The following OTOG variants were observed in gnomAD, a reference collection of about 807,000 sequenced individuals.
OTOG encodes the protein otogelin.
Under a neutral mutation model 313.8 loss-of-function variants are expected in OTOG, and 296 were observed. That is an observed-to-expected ratio of 0.94 (90% CI 0.86 to 1.04). The LOEUF (loss-of-function observed/expected upper bound fraction) is 1.04, where lower values mean the gene tolerates loss of function less well. Ranked by LOEUF, OTOG falls within the 50% of genes least tolerant of loss-of-function variation. The pLI is 0.00. For synonymous variants in OTOG, 1,533 were observed against 1,554.9 expected (o/e 0.99, Z 0.33); for missense variants, 3,948 against 3,840.1 (o/e 1.03, Z -0.74).
chr11:17,551,826 A>G (rs1851940443), intron 3 of OTOG, among the ~76,000 whole-genome samples, 174 bp from the exon 4 acceptor site: 1 of 151,986 alleles, frequency 6.6e-6, no homozygotes, highest in South Asian at 2.1e-4. Context: ...AGGCCTAAAC[A>G]TTCTCCTCTG....
rs1565116980 is a variant in OTOG at position 17,610,768 on chromosome 11, G to T, written c.5468G>T (p.Gly1823Val). 2 of 1,549,856 alleles carry T rather than the reference G, an allele frequency of 1.3e-6. No homozygotes were observed. The highest frequency in any genetic ancestry group is 3.9e-5 in the Admixed American group (2 of 51,010). The change falls in exon 36 of 56, where the codon GGC becomes GTC. Residue 1823 changes from glycine to valine, a missense_variant. By Grantham distance (109) the Gly-to-Val change is moderately radical. Transcript: ENST00000399397. ...ACATCTGCCCCAGTGGCCACACCCGGCCCCAAAGCCTCTGTCATCACCACT... is the reference window on the plus strand; with the variant it reads ...ACATCTGCCCCAGTGGCCACACCCGTCCCCAAAGCCTCTGTCATCACCACT... The part of the protein sequence containing the change: ...VGTSAPVATP[G>V]PKASVITTPL...
At chr11:17,561,455 G>C (rs956463742) in intron 14 of OTOG, among the ~76,000 whole-genome samples, 5 of 152,230 alleles carry the variant, frequency 3.3e-5, no homozygotes, top group African/African-American at 9.6e-5. Context: ...GAGATCCCCA[G>C]GGCAGGGCTG....
intron 33 of OTOG, among the ~76,000 whole-genome samples, 166 bp downstream of exon 33, chr11:17,606,301 C>A (rs1853388506): frequency 6.6e-6 from 1 of 152,238 alleles, no homozygotes; most frequent in South Asian, 2.1e-4. Flanking sequence ...GGTGGCCCAG[C>A]CTCCATGTTG....
At chr11:17,637,301 A>G (rs1046467304) in intron 47 of OTOG, among the ~76,000 whole-genome samples, 17 of 151,988 alleles carry the variant, frequency 1.1e-4, no homozygotes, top group African/African-American at 3.9e-4. Context: ...AACTCATCTC[A>G]TGCCCAGTCT....
At chr11:17,633,563 G>A in intron 42 of OTOG, 117 bp from the exon 43 acceptor site, 1 of 952,836 alleles carries the variant, frequency 1.0e-6, no homozygotes, top group Non-Finnish European at 1.5e-6. Flanking sequence ...TGCACTCTCT[G>A]CTGAGGTGCT....
chr11:17,560,241 T>C (rs1852153017), intron 12 of OTOG, among the ~76,000 whole-genome samples: 2 of 152,180 alleles, frequency 1.3e-5, no homozygotes, highest in South Asian at 2.1e-4. Flanking sequence ...ATAAAGCCAT[T>C]GACTTTGGGA....
chr11:17,623,093 C>T (rs572898503), intron 39 of OTOG, among the ~76,000 whole-genome samples: 63 of 152,208 alleles, frequency 4.1e-4, no homozygotes, highest in African/African-American at 1.5e-3. Flanking sequence ...TCTGATGATC[C>T]ATGTAAGAAC....
chr11:17,591,684 C>CGG, intron 25 of OTOG, 96 bp downstream of exon 25: 4 of 1,449,980 alleles, frequency 2.8e-6, no homozygotes, highest in Non-Finnish European at 3.7e-6. Flanking sequence ...ATTGGGTGAT[C>CGG]GGGGATCTAA....
rs1218627456 is a variant in OTOG at position 17,559,882 on chromosome 11, A to AG, written c.1342+220_1342+221insG. 5.2e-4 allele frequency among the ~76,000 whole-genome samples: 75 copies of AG among 144,368 alleles called. 1 individual carries two copies. Among genetic ancestry groups the AG allele is most frequent in the Admixed American group, 4.3e-3 (62 of 14,530 alleles). The allele number at this position is 144,368 out of a possible 152,430, so 94.7% of individuals were successfully genotyped here. Reference sequence around the variant, plus strand: ...GAAGGGAAGAAGGAAGGAAGGAAGGAAGGGAGAGAGGGAGGGAGGGAGGAA... The same window carrying AG: ...GAAGGGAAGAAGGAAGGAAGGAAGGAGAGGGAGAGAGGGAGGGAGGGAGGAA... On this transcript the variant is annotated intron_variant, in intron 12 of 55. Coordinates refer to ENST00000399397, the MANE Select transcript of OTOG (RefSeq NM_001292063.2).
rs1847981807 is a variant in OTOG at position 17,641,906 on chromosome 11, G to A, written c.8250G>A (p.Val2750=). ...LAACCGSCRN[V]SCLFTFPNGT... ...CCTGCTGCGGCTCCTGCAGGAACGTGTCCTGTCTCTTCACCTTCCCCAATG... is the reference window on the plus strand; with the variant it reads ...CCTGCTGCGGCTCCTGCAGGAACGTATCCTGTCTCTTCACCTTCCCCAATG... The change falls in exon 52 of 56, where the codon GTG becomes GTA. Residue 2750 remains valine, a synonymous_variant. Transcript: ENST00000399397. 3 of 1,550,332 alleles carry A rather than the reference G, an allele frequency of 1.9e-6. No individual in the cohort carries two copies. The African/African-American group carries it at 4.1e-5, about 21-fold the overall frequency.
chr11:17,559,378 G>T (rs1217113553), intron 11 of OTOG, among the ~76,000 whole-genome samples, 156 bp from the exon 12 acceptor site: 5 of 152,162 alleles, frequency 3.3e-5, no homozygotes, highest in Non-Finnish European at 7.3e-5. Flanking sequence ...CCTTCTCCTT[G>T]TCAATTTCCT....
At chr11:17,564,851 G>T (rs1404145848) in intron 15 of OTOG, among the ~76,000 whole-genome samples, 1 of 152,192 alleles carries the variant, frequency 6.6e-6, no homozygotes, top group Non-Finnish European at 1.5e-5. Flanking sequence ...CCAGCAGGAG[G>T]CAGAGCTGAG....
Position 17,578,336 on chromosome 11 carries a change from G to A in OTOG, c.2606-37G>A, listed in dbSNP as rs775569976. 1.7e-5 allele frequency: 25 copies of A among 1,443,960 alleles called. No homozygotes were observed. The South Asian group carries it at 2.1e-4, about 12-fold the overall frequency. The allele number at this position is 1,443,960 out of a possible 1,614,324, so 89.4% of individuals were successfully genotyped here. ...CTGTAGCCCAGGAGCCCATACTGAG[G>A]CCCCAGGGCCTCCGCTCCCATCTTC... On this transcript the variant is annotated intron_variant, in intron 22 of 55. Coordinates refer to ENST00000399397, the MANE Select transcript of OTOG (RefSeq NM_001292063.2).
chr11:17,551,689 A>G (rs1851935718), intron 3 of OTOG, among the ~76,000 whole-genome samples: 1 of 151,972 alleles, frequency 6.6e-6, no homozygotes, highest in Non-Finnish European at 1.5e-5. Context: ...GAGGGAAGAA[A>G]AGGAGGCTGG....
Position 17,586,396 on chromosome 11 carries a change from G to C in OTOG, c.2760-78G>C, listed in dbSNP as rs554260261. 8.0e-6 allele frequency: 7 copies of C among 873,084 alleles called. No homozygotes were observed. In the African/African-American group the frequency reaches 8.8e-5, roughly 11 times the overall value. 54.1% of individuals were successfully genotyped at this position (873,084 alleles called of 1,614,324 possible). A position where few individuals can be genotyped will look rare whatever the true frequency, so the allele number is the denominator to read the frequency against. On this transcript the variant is annotated intron_variant, in intron 23 of 55. Transcript: ENST00000399397. Reference sequence around the variant, plus strand: ...GCTGGGAGCCACCTCCGAGCATCCAGATTGAGGCAGGGTCCTCCACAGATG... The same window carrying C: ...GCTGGGAGCCACCTCCGAGCATCCACATTGAGGCAGGGTCCTCCACAGATG...
chr11:17,591,639 G>T, intron 25 of OTOG, 51 bp downstream of exon 25: 1 of 1,542,486 alleles, frequency 6.5e-7, no homozygotes, highest in African/African-American at 1.4e-5. Context: ...AGCTGTCAGG[G>T]CACTCTGGTG....
chr11:17,645,561 C>A lies in OTOG; in HGVS notation c.8462-3C>A. ...CAGCTGCCTCATCCCCCTGTCCCCC[C>A]AGGTAAGGAGGATGGGCGCTCCTGC... On this transcript the variant is annotated splice_region_variant and splice_polypyrimidine_tract_variant and intron_variant, in intron 54 of 55. Coordinates refer to ENST00000399397, the MANE Select transcript of OTOG (RefSeq NM_001292063.2). 1.9e-6 allele frequency: 3 copies of A among 1,550,460 alleles called. No individual in the cohort carries two copies. The highest frequency in any genetic ancestry group is 2.0e-5 in the Admixed American group (1 of 51,000).
At position 17,612,193 on chromosome 11, in the gene OTOG, T is replaced by A; in HGVS notation, c.6155T>A (p.Ile2052Asn). The A allele has an allele frequency of 6.5e-7, 1 of 1,549,996 alleles. No individual in the cohort carries two copies. The highest frequency in any genetic ancestry group is 1.4e-5 in the African/African-American group (1 of 73,162). Residue 2052 changes from isoleucine (I) to asparagine (N), a missense_variant, in exon 37 of 56, where the codon ATC (isoleucine) becomes AAC (asparagine). Coordinates refer to ENST00000399397, the MANE Select transcript of OTOG (RefSeq NM_001292063.2). ...PIAEQDCVRH[I>N]CLEGQLIRVN... ...GCCGAGCAGGACTGCGTCCGCCACA[T>A]CTGCCTGGAGGGCCAGCTGATTCGC...
In OTOG at chr11:17,610,725, C is replaced by T. The variant is rs1355897444; in HGVS notation, c.5425C>T (p.Pro1809Ser). Residue 1809 changes from proline to serine, a missense_variant, in exon 36 of 56, where the codon CCC (proline) becomes TCC (serine). Coordinates refer to ENST00000399397, the MANE Select transcript of OTOG (RefSeq NM_001292063.2). ...LSGLPPDTSL[P>S]LAKVGTSAPV... ...TGGCCTGCCTCCCGACACCAGCCTGCCCCTGGCCAAGGTGGGCACATCTGC... is the reference window on the plus strand; with the variant it reads ...TGGCCTGCCTCCCGACACCAGCCTGTCCCTGGCCAAGGTGGGCACATCTGC... 1 of 1,550,144 alleles carries T rather than the reference C, an allele frequency of 6.5e-7. No individual in the cohort carries two copies. Among genetic ancestry groups the T allele is most frequent in the Middle Eastern group, 1.7e-4 (1 of 5,992 alleles).
Sources: gnomAD v4.1 joint callset for allele counts (sites outside exome capture counted in the v4.1 genomes callset) on GRCh38, gnomAD v4.1.1 for gene constraint, MANE v1.5 for transcripts, NCBI Gene and HGNC (gene_info 2026-07-23, HGNC 2026-07-21) for gene names.